ZNF782: variants seen among roughly 807,000 people sequenced by gnomAD.
The protein encoded by ZNF782 is zinc finger protein 782.
A neutral mutation model predicts 13.0 loss-of-function variants in ZNF782; 12 were observed. The observed-to-expected ratio is 0.92, with a 90% CI of 0.59 to 1.50. ZNF782 has a LOEUF of 1.50. Among genes scored for constraint, ZNF782 ranks in the 40% most tolerant of loss-of-function variants. The pLI is 0.00. For synonymous variants in ZNF782, 284 were observed against 283.0 expected (o/e 1.00, Z -0.04); for missense variants, 770 against 822.9 (o/e 0.94, Z 0.79).
chr9:96,897,472 G>C, the ZNF782 span, among the ~76,000 whole-genome samples: 185 of 152,260 alleles, frequency 1.2e-3, 1 homozygote, highest in African/African-American at 4.1e-3. Flanking sequence ...AAGGTGCTGT[G>C]GCTGGGGGAG....
At chr9:96,856,633 C>T (rs559287135), upstream of ZNF782, among the ~76,000 whole-genome samples, 2 of 152,234 alleles carry the variant, frequency 1.3e-5, no homozygotes, top group Non-Finnish European at 2.9e-5. Context: ...AGCCATAACC[C>T]TTTCCTAAAG....
chr9:96,926,524 T>G, the ZNF782 span, among the ~76,000 whole-genome samples: 1 of 151,912 alleles, frequency 6.6e-6, no homozygotes, highest in African/African-American at 2.4e-5. Flanking sequence ...ACAAAAGGCC[T>G]GGGAGCATCC....
chr9:96,925,810 G>C, the ZNF782 span, among the ~76,000 whole-genome samples: 1 of 149,544 alleles, frequency 6.7e-6, no homozygotes, highest in Non-Finnish European at 1.5e-5. Context: ...CTCAAGTGCA[G>C]AGACTGACAG....
the ZNF782 span, among the ~76,000 whole-genome samples, chr9:96,914,402 G>A: frequency 1.3e-5 from 2 of 151,690 alleles, no homozygotes; most frequent in Admixed American, 6.6e-5. Context: ...TTACAGGCGT[G>A]AGCCACCGCG....
chr9:96,930,281 T>C, the ZNF782 span, among the ~76,000 whole-genome samples: 1 of 152,070 alleles, frequency 6.6e-6, no homozygotes, highest in Non-Finnish European at 1.5e-5. Flanking sequence ...TCCCAGCACT[T>C]TGGGAGACCA....
intron 4 of ZNF782, among the ~76,000 whole-genome samples, chr9:96,838,228 G>A (rs1029473630): frequency 6.6e-6 from 1 of 152,166 alleles, no homozygotes; most frequent in African/African-American, 2.4e-5. Context: ...GGTATGGTTT[G>A]AAAGCACACT....
At position 96,819,766 on chromosome 9, in the gene ZNF782, G is replaced by A. The variant is rs1362253679; in HGVS notation, c.257C>T (p.Pro86Leu). 4 of 1,570,284 alleles carry A rather than the reference G, an allele frequency of 2.5e-6. No homozygotes were observed. The highest frequency in any genetic ancestry group is 2.8e-5 in the African/African-American group (2 of 72,162). ...LSRNSPEDSQ[P>L]DEISEKSPEN... ...TGGGCTCTTCTCTGAGATTTCATCAGGTTGGGAGTCTTCTAAAAATGATAA... is the reference window on the plus strand; with the variant it reads ...TGGGCTCTTCTCTGAGATTTCATCAAGTTGGGAGTCTTCTAAAAATGATAA... The change falls in exon 6 of 6, where the codon CCT becomes CTT. Residue 86 changes from proline (P) to leucine (L), a missense_variant. Physicochemically the swap from Pro to Leu is moderately conservative, Grantham distance 98 (BLOSUM62 -3). Coordinates refer to ENST00000481138, the MANE Select transcript of ZNF782 (RefSeq NM_001001662.3).
the ZNF782 span, among the ~76,000 whole-genome samples, chr9:96,922,737 G>T: frequency 6.6e-6 from 1 of 151,496 alleles, no homozygotes; most frequent in Middle Eastern, 3.2e-3. Context: ...TCACGCCACT[G>T]CACTCCAGCC....
chr9:96,821,727 A>G (rs1353090762), intron 5 of ZNF782, among the ~76,000 whole-genome samples: 1 of 148,880 alleles, frequency 6.7e-6, no homozygotes, highest in Non-Finnish European at 1.5e-5. Flanking sequence ...GCTGGAGTGC[A>G]GTGGTGCGAT....
At chr9:96,843,372 C>T (rs1851245174) in intron 4 of ZNF782, among the ~76,000 whole-genome samples, 1 of 152,150 alleles carries the variant, frequency 6.6e-6, no homozygotes, top group Admixed American at 6.5e-5. Flanking sequence ...TACGGATACA[C>T]TACAACTTGG....
chr9:96,839,075 T>C (rs1259320014), intron 4 of ZNF782, among the ~76,000 whole-genome samples: 1 of 152,090 alleles, frequency 6.6e-6, no homozygotes. Context: ...CTAGGCCTCA[T>C]CTGAAATCAC....
At chr9:96,890,971 C>T in the ZNF782 span, 1 of 152,168 alleles carries the variant, frequency 6.6e-6, no homozygotes, top group African/African-American at 2.4e-5. Context: ...GATTCTGATA[C>T]ATGTAAAACA....
the ZNF782 span, chr9:96,909,968 G>C: frequency 2.2e-6 from 1 of 450,906 alleles, no homozygotes; most frequent in Non-Finnish European, 4.2e-6. Context: ...CCAGCTCCTT[G>C]CTCGCCGCGG....
upstream of ZNF782, among the ~76,000 whole-genome samples, chr9:96,857,473 A>C (rs148172527): frequency 5.3e-5 from 8 of 152,342 alleles, no homozygotes; most frequent in Middle Eastern, 0.01. Context: ...CATTCCTAAG[A>C]GTTCTTATTA....
intron 1 of ZNF782, among the ~76,000 whole-genome samples, chr9:96,864,356 AAAAG>A (rs1452802349): frequency 2.0e-5 from 3 of 152,072 alleles, no homozygotes; most frequent in Non-Finnish European, 4.4e-5. Context: ...GGAAAAACAT[AAAAG>A]AGTTTATGAA....
At chr9:96,875,936 C>G (rs1194217123), upstream of ZNF782, among the ~76,000 whole-genome samples, 2 of 152,216 alleles carry the variant, frequency 1.3e-5, no homozygotes, top group Non-Finnish European at 2.9e-5. Flanking sequence ...GTGTGGCGCG[C>G]GAGCCATTCG....
the ZNF782 span, among the ~76,000 whole-genome samples, chr9:96,907,243 A>G: frequency 6.6e-6 from 1 of 152,244 alleles, no homozygotes; most frequent in Non-Finnish European, 1.5e-5. Context: ...ATTAAGTGAA[A>G]TAAGCCAGTC....
chr9:96,865,786 A>G (rs1851748181), intron 1 of ZNF782, among the ~76,000 whole-genome samples: 1 of 152,192 alleles, frequency 6.6e-6, no homozygotes, highest in African/African-American at 2.4e-5. Flanking sequence ...TGGACAATCC[A>G]GGCTGAGGTG....
chr9:96,839,011 G>T (rs1313581798), intron 4 of ZNF782, among the ~76,000 whole-genome samples: 1 of 152,130 alleles, frequency 6.6e-6, no homozygotes, highest in African/African-American at 2.4e-5. Context: ...ACAGCGCCTG[G>T]CCTATCCAGG....
Sources: allele counts gnomAD v4.1 joint callset (sites outside exome capture counted in the v4.1 genomes callset), GRCh38; gene constraint gnomAD v4.1.1; transcripts MANE v1.5; gene names NCBI Gene and HGNC (gene_info 2026-07-23, HGNC 2026-07-21).